MTARC2: variants seen among roughly 807,000 people sequenced by gnomAD.
The protein encoded by MTARC2 is mitochondrial amidoxime reducing component 2.
In MTARC2, 27 loss-of-function variants were observed where a neutral mutation model predicts 35.6. The observed-to-expected ratio is 0.76, with a 90% CI of 0.56 to 1.04. The LOEUF is 1.04. Among genes scored for constraint, MTARC2 ranks in the 50% least tolerant of loss-of-function variants. MTARC2 has a pLI of 0.00. For missense variants in MTARC2, 412 were observed against 432.5 expected, an observed-to-expected ratio of 0.95 and a Z score of 0.42; for synonymous variants, 158 against 167.1, an observed-to-expected ratio of 0.95 and a Z score of 0.42.
chr1:220,750,735 T>G (rs1471944903), intron 1 of MTARC2, among the ~76,000 whole-genome samples: 1 of 152,146 alleles, frequency 6.6e-6, no homozygotes, highest in African/African-American at 2.4e-5. Flanking sequence ...CTAGATAGTA[T>G]TATCACCATT....
At chr1:220,753,050 T>TAAAAAAAAAAAAA (rs747375341) in intron 1 of MTARC2, among the ~76,000 whole-genome samples, 1 of 106,898 alleles carries the variant, frequency 9.4e-6, no homozygotes, top group African/African-American at 3.8e-5. Flanking sequence ...CTGTCTCTAC[T>TAAAAAAAAAAAAA]AAAAAAAAAA....
At chr1:220,765,462 C>A (rs919194528) in intron 4 of MTARC2, among the ~76,000 whole-genome samples, 8 of 152,218 alleles carry the variant, frequency 5.3e-5, no homozygotes, top group African/African-American at 1.9e-4. Flanking sequence ...TGCCGAATGC[C>A]TGTACAGTGT....
intron 1 of MTARC2, among the ~76,000 whole-genome samples, chr1:220,753,683 T>G (rs1671196415): frequency 6.6e-6 from 1 of 152,172 alleles, no homozygotes; most frequent in Admixed American, 6.5e-5. Context: ...GCCTCTGGCT[T>G]TCAGACAATT....
intron 4 of MTARC2, among the ~76,000 whole-genome samples, chr1:220,778,380 G>A (rs1671975722): frequency 6.6e-6 from 1 of 152,164 alleles, no homozygotes; most frequent in Non-Finnish European, 1.5e-5. Context: ...AAGGCAAAGG[G>A]GGTCCAGCTT....
At chr1:220,770,597 C>T (rs1269695204) in intron 4 of MTARC2, 1 of 978,722 alleles carries the variant, frequency 1.0e-6, no homozygotes, top group Admixed American at 6.2e-5. Context: ...CCCCCCATAC[C>T]TTTCTCTCGC....
At chr1:220,773,209 C>T (rs115852533) in intron 4 of MTARC2, among the ~76,000 whole-genome samples, 1 of 152,238 alleles carries the variant, frequency 6.6e-6, no homozygotes, top group African/African-American at 2.4e-5. Context: ...AGTTCAGTCA[C>T]CAATGGCCAA....
chr1:220,769,818 G>C (rs17008609), intron 4 of MTARC2, among the ~76,000 whole-genome samples: 49,211 of 147,628 alleles, frequency 0.33, 9,641 homozygotes, highest in East Asian at 0.74. Flanking sequence ...AGAACGCCCT[G>C]TCTGATAGAA....
At chr1:220,761,534 C>T in intron 2 of MTARC2, 124 bp from the exon 3 acceptor site, 2 of 889,256 alleles carry the variant, frequency 2.2e-6, no homozygotes, top group Admixed American at 3.1e-5. Context: ...AGCTTTGACC[C>T]AGGGACCACT....
rs58538649 is a variant in MTARC2 at position 220,754,525 on chromosome 1, C to T, written c.273-422C>T. ...TCAGACTCAAACTCACTTGGCCAAC[C>T]TCATCTTGTTCTACAACAAAAGGAC... On this transcript the variant is annotated intron_variant, in intron 1 of 7. Coordinates refer to ENST00000366913, the MANE Select transcript of MTARC2 (RefSeq NM_017898.5). The T allele has an allele frequency of 9.9e-3, 4,309 of 436,784 alleles. 87 individuals are homozygous for T. Among genetic ancestry groups the T allele is most frequent in the East Asian group, 0.061 (876 of 14,250 alleles). 27.1% of individuals were successfully genotyped at this position (436,784 alleles called of 1,614,324 possible).
At chr1:220,756,852 C>A (rs1487209196) in intron 2 of MTARC2, among the ~76,000 whole-genome samples, 4 of 152,176 alleles carry the variant, frequency 2.6e-5, no homozygotes, top group Non-Finnish European at 5.9e-5. Flanking sequence ...GAAGACCTTG[C>A]AGGTGAGTTG....
At chr1:220,778,499 G>A (rs767288777) in intron 4 of MTARC2, among the ~76,000 whole-genome samples, 2 of 152,106 alleles carry the variant, frequency 1.3e-5, no homozygotes, top group Admixed American at 6.6e-5. Context: ...GCACCAAGGT[G>A]GTGGTGCTAA....
chr1:220,762,626 A>AG (rs1671469268), intron 3 of MTARC2, among the ~76,000 whole-genome samples: 1 of 151,990 alleles, frequency 6.6e-6, no homozygotes, highest in Non-Finnish European at 1.5e-5. Context: ...ATGATGGGGG[A>AG]AGGGGGTCGC....
intron 2 of MTARC2, among the ~76,000 whole-genome samples, chr1:220,757,708 C>T (rs912874150): frequency 3.3e-5 from 5 of 152,166 alleles, no homozygotes; most frequent in African/African-American, 1.2e-4. Context: ...GTGCCAATCC[C>T]AGCATGAGGG....
At position 220,766,809 on chromosome 1, in the gene MTARC2, CTCT is replaced by C. The variant is rs145212305; in HGVS notation, c.750+3773_750+3775del. ...TCTTGGGCAGTGAGAGTGGAGTTGT[CTCT>C]TCTTCTTCTTCTTTTTTTTTTTAAA... On this transcript the variant is annotated intron_variant, in intron 4 of 7. Transcript: ENST00000366913. 9.0e-3 allele frequency among the ~76,000 whole-genome samples: 1,308 copies of C among 145,610 alleles called. 21 individuals are homozygous for C. Among genetic ancestry groups the C allele is most frequent in the African/African-American group, 0.029 (1,152 of 39,058 alleles).
chr1:220,768,074 C>G (rs1391413094), intron 4 of MTARC2, among the ~76,000 whole-genome samples: 2 of 152,158 alleles, frequency 1.3e-5, no homozygotes, highest in South Asian at 4.1e-4. Context: ...GCAAGAATCA[C>G]GACTCACTGC....
chr1:220,771,536 G>A (rs1172478901), intron 4 of MTARC2, among the ~76,000 whole-genome samples: 1 of 152,134 alleles, frequency 6.6e-6, no homozygotes, highest in East Asian at 1.9e-4. Context: ...TTCAAACATG[G>A]GGTCATGAGA....
chr1:220,781,581 A>G (rs1253454047), intron 6 of MTARC2, among the ~76,000 whole-genome samples, 197 bp from the exon 7 acceptor site: 1 of 152,246 alleles, frequency 6.6e-6, no homozygotes, highest in Non-Finnish European at 1.5e-5. Flanking sequence ...GAAATTGCGT[A>G]GACTTTCAGG....
At chr1:220,776,037 A>G (rs61830262) in intron 4 of MTARC2, among the ~76,000 whole-genome samples, 19,767 of 152,278 alleles carry the variant, frequency 0.13, 1,746 homozygotes, top group East Asian at 0.25. Context: ...CTTTGGGTAT[A>G]TACCCAGTAA....
intron 1 of MTARC2, chr1:220,754,286 T>C: frequency 4.4e-6 from 2 of 456,146 alleles, no homozygotes; most frequent in Non-Finnish European, 8.8e-6. Context: ...GAAAACCAAG[T>C]CCAGTACAGT....
Sources: allele counts gnomAD v4.1 joint callset (sites outside exome capture counted in the v4.1 genomes callset), GRCh38; gene constraint gnomAD v4.1.1; transcripts MANE v1.5; gene names NCBI Gene and HGNC (gene_info 2026-07-23, HGNC 2026-07-21).